Variants in CNTNAP2 observed in about 807,000 individuals in gnomAD.
The protein encoded by CNTNAP2 is contactin associated protein 2.
In CNTNAP2, 98 loss-of-function variants were observed where a neutral mutation model predicts 155.2. The observed-to-expected ratio is 0.63, with a 90% CI of 0.54 to 0.75. The LOEUF (loss-of-function observed/expected upper bound fraction) is 0.75. Ranked by LOEUF, CNTNAP2 falls within the 30% of genes least tolerant of loss-of-function variation. The pLI is 0.00. For missense variants in CNTNAP2, 1,727 were observed against 1,688.1 expected (o/e 1.02, Z -0.40); for synonymous variants, 651 against 631.2 (o/e 1.03, Z -0.47).
At chr7:147,556,504 G>C (rs2116775390) in intron 11 of CNTNAP2, among the ~76,000 whole-genome samples, 1 of 152,246 alleles carries the variant, frequency 6.6e-6, no homozygotes, top group Non-Finnish European at 1.5e-5. Flanking sequence ...GGGTGGCTTT[G>C]TGTAATGACA....
intron 1 of CNTNAP2, among the ~76,000 whole-genome samples, chr7:146,430,187 T>G (rs1048340936): frequency 1.8e-4 from 28 of 151,906 alleles, no homozygotes; most frequent in Non-Finnish European, 3.2e-4. Context: ...TTTTTTTTTT[T>G]TGTTTTATTT....
Position 148,245,479 on chromosome 7 carries a change from T to C in CNTNAP2, c.3381+15700T>C, listed in dbSNP as rs145276818. On this transcript the variant is annotated intron_variant, in intron 20 of 23. Transcript: ENST00000361727. ...AGATGTTTTTCCTGCTGCTGGCATA[T>C]TCTGCGCGCTGCTCTTCCTTCTCCC... Among the ~76,000 whole-genome samples the C allele has an allele frequency of 2.0e-4, 31 of 152,338 alleles. 1 individual carries two copies. Among genetic ancestry groups the C allele is most frequent in the Admixed American group, 2.0e-3 (31 of 15,304 alleles).
intron 13 of CNTNAP2, among the ~76,000 whole-genome samples, chr7:147,878,588 G>A (rs1037552343): frequency 6.6e-6 from 1 of 151,886 alleles, no homozygotes; most frequent in Admixed American, 6.6e-5. Flanking sequence ...ATAGATTTAG[G>A]AAATAACTTA....
chr7:146,984,767 T>G (rs1798087197), intron 3 of CNTNAP2, among the ~76,000 whole-genome samples: 2 of 152,208 alleles, frequency 1.3e-5, no homozygotes, highest in African/African-American at 4.8e-5. Context: ...GTTTTCTTTT[T>G]GAGTCCTTCT....
At chr7:146,248,530 CT>C (rs2116939522) in intron 1 of CNTNAP2, among the ~76,000 whole-genome samples, 1 of 152,184 alleles carries the variant, frequency 6.6e-6, no homozygotes, top group African/African-American at 2.4e-5. Context: ...AACGTGTCTC[CT>C]TTGTCTCTAC....
intron 1 of CNTNAP2, among the ~76,000 whole-genome samples, chr7:146,604,889 A>C (rs1471876984): frequency 3.7e-5 from 5 of 134,586 alleles, no homozygotes; most frequent in Non-Finnish European, 7.9e-5. Flanking sequence ...TCACATGGAC[A>C]CAGGAAGGGG....
intron 1 of CNTNAP2, among the ~76,000 whole-genome samples, chr7:146,320,355 T>G (rs1050239794): frequency 6.6e-6 from 1 of 152,152 alleles, no homozygotes; most frequent in Non-Finnish European, 1.5e-5. Context: ...AAAAATATAA[T>G]GCTTATAGGA....
intron 21 of CNTNAP2, among the ~76,000 whole-genome samples, chr7:148,301,497 C>G (rs972828651): frequency 6.6e-6 from 1 of 151,896 alleles, no homozygotes. Flanking sequence ...GTCTAAACAT[C>G]CCCTCTGTCC....
intron 15 of CNTNAP2, among the ~76,000 whole-genome samples, chr7:148,072,174 A>G (rs1803393375): frequency 6.6e-6 from 1 of 152,212 alleles, no homozygotes; most frequent in South Asian, 2.1e-4. Flanking sequence ...GAGTTCAGAA[A>G]ATAATAAACA....
intron 12 of CNTNAP2, among the ~76,000 whole-genome samples, chr7:147,638,008 C>T (rs183450192): frequency 2.8e-4 from 42 of 152,216 alleles, no homozygotes; most frequent in Admixed American, 1.6e-3. Context: ...TCTCTTTATT[C>T]GCCAATATTC....
intron 13 of CNTNAP2, among the ~76,000 whole-genome samples, chr7:147,853,854 G>T (rs971700751): frequency 6.6e-6 from 1 of 152,154 alleles, no homozygotes; most frequent in Non-Finnish European, 1.5e-5. Flanking sequence ...ACATTTTTAA[G>T]CATGTTTATG....
intron 8 of CNTNAP2, among the ~76,000 whole-genome samples, chr7:147,280,034 T>C (rs1456494086): frequency 6.6e-6 from 1 of 151,942 alleles, no homozygotes; most frequent in African/African-American, 2.4e-5. Flanking sequence ...CAATGGACTC[T>C]TTCTGCCTTT....
At position 147,766,687 on chromosome 7, in the gene CNTNAP2, C is replaced by T. The variant is rs569475406; in HGVS notation, c.2098+127381C>T. Among the ~76,000 whole-genome samples, 4 of 152,118 alleles carry T rather than the reference C, an allele frequency of 2.6e-5. No homozygotes were observed. In the East Asian group the frequency reaches 5.8e-4, roughly 22 times the overall value. The stretch of plus-strand genomic sequence containing the variant: ...AATTCTATTTTTGCTTAAGCTAATT[C>T]GTATTAGGTCTCTGTTCATTAATTC... On this transcript the variant is annotated intron_variant, in intron 13 of 23. Coordinates refer to ENST00000361727, the MANE Select transcript of CNTNAP2 (RefSeq NM_014141.6).
chr7:146,287,293 A>C (rs916036203), intron 1 of CNTNAP2, among the ~76,000 whole-genome samples: 2 of 152,002 alleles, frequency 1.3e-5, no homozygotes, highest in Non-Finnish European at 2.9e-5. Context: ...AATAATTTAC[A>C]CTGGAAATAT....
At chr7:148,007,668 G>T (rs1258032662) in intron 15 of CNTNAP2, among the ~76,000 whole-genome samples, 4 of 152,152 alleles carry the variant, frequency 2.6e-5, no homozygotes, top group Middle Eastern at 3.2e-3. Flanking sequence ...GTAGGAATGT[G>T]TCAATAGTGA....
intron 1 of CNTNAP2, among the ~76,000 whole-genome samples, chr7:146,572,341 A>G (rs77875074): frequency 0.022 from 3,345 of 151,148 alleles, 44 homozygotes; most frequent in Middle Eastern, 0.044. Flanking sequence ...AAAGAAAGCA[A>G]TGCCTCCTGA....
intron 8 of CNTNAP2, among the ~76,000 whole-genome samples, chr7:147,210,525 T>G (rs561838557): frequency 1.5e-4 from 23 of 152,092 alleles, no homozygotes; most frequent in African/African-American, 5.5e-4. Context: ...ATTGATCTTA[T>G]TTATACTTTA....
intron 13 of CNTNAP2, among the ~76,000 whole-genome samples, chr7:147,832,220 A>G (rs1798561097): frequency 1.4e-5 from 2 of 140,916 alleles, no homozygotes; most frequent in Non-Finnish European, 3.0e-5. Flanking sequence ...ATTAAATTAT[A>G]CATTTAATTA....
intron 14 of CNTNAP2, among the ~76,000 whole-genome samples, chr7:147,914,242 A>T (rs10270089): frequency 0.55 from 82,362 of 150,980 alleles, 22,793 homozygotes; most frequent in Middle Eastern, 0.71. Flanking sequence ...TTTCTTTTTT[A>T]AAAAAAAAAT....
Sources: gnomAD v4.1 joint callset for allele counts (sites outside exome capture counted in the v4.1 genomes callset) on GRCh38, gnomAD v4.1.1 for gene constraint, MANE v1.5 for transcripts, NCBI Gene and HGNC (gene_info 2026-07-23, HGNC 2026-07-21) for gene names.